The following FHIT variants were observed in gnomAD, a reference collection of about 807,000 sequenced individuals.
FHIT encodes the protein fragile histidine triad diadenosine triphosphatase.
FHIT carries 19 observed loss-of-function variants against 17.9 expected under a neutral mutation model. The observed-to-expected ratio is 1.06, with a 90% CI of 0.74 to 1.56. The LOEUF (loss-of-function observed/expected upper bound fraction) is 1.56. Ranked by LOEUF, FHIT falls within the 40% of genes most tolerant of loss-of-function variation. The pLI is 0.00. For missense variants in FHIT, 248 were observed against 189.2 expected, an observed-to-expected ratio of 1.31 and a Z score of -1.82; for synonymous variants, 81 against 69.7, an observed-to-expected ratio of 1.16 and a Z score of -0.81.
At chr3:59,836,420 C>A (rs1701342303) in intron 8 of FHIT, among the ~76,000 whole-genome samples, 1 of 152,172 alleles carries the variant, frequency 6.6e-6, no homozygotes, top group South Asian at 2.1e-4. Flanking sequence ...TGGCAGCTGG[C>A]TGGCAAGGAT....
chr3:60,192,003 G>T (rs2107469510), intron 5 of FHIT, among the ~76,000 whole-genome samples: 1 of 152,100 alleles, frequency 6.6e-6, no homozygotes, highest in South Asian at 2.1e-4. Context: ...TCCCAGCACT[G>T]AGGATTGGAG....
At chr3:60,573,008 C>T (rs1442720602) in intron 4 of FHIT, among the ~76,000 whole-genome samples, 1 of 152,060 alleles carries the variant, frequency 6.6e-6, no homozygotes, top group Admixed American at 6.6e-5. Context: ...AAACTGAGGC[C>T]CAAGTTACAA....
intron 4 of FHIT, among the ~76,000 whole-genome samples, chr3:60,569,665 C>T (rs1008163183): frequency 2.0e-5 from 3 of 148,382 alleles, no homozygotes; most frequent in Non-Finnish European, 4.4e-5. Flanking sequence ...CCCATTTATA[C>T]TCAATGGCAG....
intron 4 of FHIT, among the ~76,000 whole-genome samples, chr3:60,750,754 T>C (rs1014781967): frequency 4.6e-5 from 7 of 152,114 alleles, no homozygotes; most frequent in Non-Finnish European, 7.4e-5. Context: ...CTCCTGCAAA[T>C]AAAGTCCCCC....
chr3:60,490,215 G>T (rs2034004917), intron 5 of FHIT, among the ~76,000 whole-genome samples: 1 of 151,904 alleles, frequency 6.6e-6, no homozygotes. Flanking sequence ...TGTTTATAAA[G>T]CCAAGACAAG....
chr3:59,899,402 C>G (rs1332898503), intron 8 of FHIT, among the ~76,000 whole-genome samples: 1 of 152,180 alleles, frequency 6.6e-6, no homozygotes, highest in African/African-American at 2.4e-5. Context: ...CTTTTGCTAG[C>G]ACCCACCCTC....
intron 3 of FHIT, among the ~76,000 whole-genome samples, chr3:60,905,616 T>G (rs782033103): frequency 4.6e-5 from 7 of 152,168 alleles, no homozygotes; most frequent in Non-Finnish European, 8.8e-5. Context: ...GTCCTTTGTG[T>G]GAACAACCAA....
intron 5 of FHIT, among the ~76,000 whole-genome samples, chr3:60,368,717 C>A (rs1007290417): frequency 6.6e-6 from 1 of 151,872 alleles, no homozygotes; most frequent in Non-Finnish European, 1.5e-5. Flanking sequence ...ATAGCTAGTG[C>A]TTTTTGTGTG....
intron 5 of FHIT, among the ~76,000 whole-genome samples, chr3:60,247,541 T>A (rs982566493): frequency 4.6e-5 from 7 of 152,174 alleles, no homozygotes; most frequent in African/African-American, 1.7e-4. Context: ...TTTACAAAAT[T>A]AAACATTTGG....
At chr3:61,236,370 T>C (rs1370473531) in intron 1 of FHIT, among the ~76,000 whole-genome samples, 1 of 151,828 alleles carries the variant, frequency 6.6e-6, no homozygotes, top group Non-Finnish European at 1.5e-5. Flanking sequence ...CCCAGTGACA[T>C]CTCTTGTGTT....
chr3:60,968,826 A>T (rs1297099747), intron 3 of FHIT, among the ~76,000 whole-genome samples: 1 of 152,174 alleles, frequency 6.6e-6, no homozygotes, highest in Admixed American at 6.5e-5. Context: ...ATCTATTGAG[A>T]TGATGATATG....
At chr3:59,756,156 G>C (rs1044211171) in intron 8 of FHIT, among the ~76,000 whole-genome samples, 1 of 152,122 alleles carries the variant, frequency 6.6e-6, no homozygotes, top group African/African-American at 2.4e-5. Flanking sequence ...GTTGTTTCTA[G>C]GAGTAAAAGT....
intron 5 of FHIT, among the ~76,000 whole-genome samples, chr3:60,221,490 G>A (rs747543010): frequency 3.9e-5 from 6 of 152,194 alleles, no homozygotes; most frequent in South Asian, 4.1e-4. Context: ...ATATCAGATC[G>A]TATCACATTA....
rs185517115 is a variant in FHIT at position 60,343,735 on chromosome 3, C to T, written c.103+193125G>A. Among the ~76,000 whole-genome samples the T allele has an allele frequency of 3.1e-3, 471 of 152,206 alleles. 1 individual carries two copies. Among genetic ancestry groups the T allele is most frequent in the African/African-American group, 0.011 (450 of 41,514 alleles). ...TCTTTCCTCCACCCACATTCTGATG[C>T]ACTGTGGATACATCTGTCCACAACA... On this transcript the variant is annotated intron_variant, in intron 5 of 9. Coordinates refer to ENST00000492590, the MANE Select transcript of FHIT (RefSeq NM_002012.4).
chr3:60,348,129 T>C (rs1381057569), intron 5 of FHIT, among the ~76,000 whole-genome samples: 7 of 4,186 alleles, frequency 1.7e-3, no homozygotes, highest in African/African-American at 6.1e-3. Context: ...GCAAAAAGTA[T>C]ACTGAAAAAA....
intron 8 of FHIT, among the ~76,000 whole-genome samples, chr3:59,833,563 A>C (rs913344363): frequency 6.6e-6 from 1 of 152,146 alleles, no homozygotes; most frequent in Non-Finnish European, 1.5e-5. Context: ...TGAAACAATA[A>C]ATTTCTAATT....
intron 2 of FHIT, among the ~76,000 whole-genome samples, chr3:61,097,686 A>G (rs936130217): frequency 6.6e-6 from 1 of 151,746 alleles, no homozygotes. Flanking sequence ...TTTGATTTGC[A>G]TTTCTCTAAT....
intron 3 of FHIT, among the ~76,000 whole-genome samples, chr3:61,012,202 T>C (rs1178406665): frequency 2.0e-5 from 3 of 152,152 alleles, no homozygotes; most frequent in African/African-American, 7.2e-5. Flanking sequence ...TCAGATTCAA[T>C]ATGGCACCTC....
intron 5 of FHIT, among the ~76,000 whole-genome samples, chr3:60,313,329 C>G (rs1242589820): frequency 6.6e-6 from 1 of 152,150 alleles, no homozygotes; most frequent in African/African-American, 2.4e-5. Flanking sequence ...AAATTAGGTG[C>G]CTTCTCAAGT....
Sources: allele counts gnomAD v4.1 joint callset (sites outside exome capture counted in the v4.1 genomes callset), GRCh38; gene constraint gnomAD v4.1.1; transcripts MANE v1.5; gene names NCBI Gene and HGNC (gene_info 2026-07-23, HGNC 2026-07-21).